The following XYLB variants were observed in gnomAD, a reference collection of about 807,000 sequenced individuals.
The protein encoded by XYLB is xylulose kinase.
In XYLB, 62 loss-of-function variants were observed where a neutral mutation model predicts 78.7. The ratio of observed to expected loss-of-function variants is 0.79; its 90% CI spans 0.64 to 0.97. The LOEUF (loss-of-function observed/expected upper bound fraction) is 0.97, where lower values mean the gene tolerates loss of function less well. Among genes scored for constraint, XYLB ranks in the 50% least tolerant of loss-of-function variants. XYLB has a pLI of 0.00. For synonymous variants in XYLB, 245 were observed against 247.4 expected (o/e 0.99, Z 0.09); for missense variants, 687 against 676.8 (o/e 1.02, Z -0.17).
chr3:38,452,149 T>C, the XYLB span: 22 of 152,334 alleles, frequency 1.4e-4, no homozygotes, highest in African/African-American at 4.8e-4. Flanking sequence ...TATACACAGC[T>C]AGGGTGTCCC....
the XYLB span, among the ~76,000 whole-genome samples, chr3:38,441,757 C>A: frequency 6.6e-6 from 1 of 152,220 alleles, no homozygotes; most frequent in Non-Finnish European, 1.5e-5. Context: ...GCCATTGCCG[C>A]AACTACCCAT....
At chr3:38,418,512 ATT>A (rs1708875623), downstream of XYLB, among the ~76,000 whole-genome samples, 1 of 152,216 alleles carries the variant, frequency 6.6e-6, no homozygotes, top group African/African-American at 2.4e-5. Flanking sequence ...GTATAAGGTT[ATT>A]GTGAAATTAT....
chr3:38,371,496 G>C (rs888418782), intron 9 of XYLB, among the ~76,000 whole-genome samples: 5 of 152,042 alleles, frequency 3.3e-5, no homozygotes, highest in Non-Finnish European at 5.9e-5. Context: ...GGATGGTCTC[G>C]ATCTCCTGAC....
In XYLB at chr3:38,413,125, C is replaced by G; in HGVS notation, c.*112C>G. 9.1e-7 allele frequency: 1 copy of G among 1,095,942 alleles called. No individual in the cohort carries two copies. The highest frequency in any genetic ancestry group is 2.7e-5 in the East Asian group (1 of 36,374). 67.9% of individuals were successfully genotyped at this position (1,095,942 alleles called of 1,614,324 possible). A position where few individuals can be genotyped will look rare whatever the true frequency, so the allele number is the denominator to read the frequency against. On this transcript the variant is annotated 3_prime_UTR_variant, in exon 19 of 19. Transcript: ENST00000207870. ...TTCTGAACAGCTCTTCCTGCCCCTA[C>G]TGACTCCTTGGAGTGTCCAGGACCA... is the stretch of plus-strand genomic sequence containing the variant.
chr3:38,438,297 TTAAC>T, the XYLB span, among the ~76,000 whole-genome samples: 1 of 151,866 alleles, frequency 6.6e-6, no homozygotes, highest in Non-Finnish European at 1.5e-5. Flanking sequence ...AGGAACACAT[TTAAC>T]CAAGGAAGTG....
At chr3:38,408,316 A>C (rs2125672205) in intron 18 of XYLB, among the ~76,000 whole-genome samples, 1 of 152,004 alleles carries the variant, frequency 6.6e-6, no homozygotes, top group Admixed American at 6.6e-5. Context: ...GGCAGAAATA[A>C]AGATGTTCTT....
chr3:38,402,283 C>A (rs1708152119), intron 18 of XYLB, among the ~76,000 whole-genome samples: 1 of 152,152 alleles, frequency 6.6e-6, no homozygotes, highest in Non-Finnish European at 1.5e-5. Context: ...ACATTCTCTC[C>A]AGTGTCTCTG....
the XYLB span, among the ~76,000 whole-genome samples, chr3:38,442,979 T>C: frequency 6.6e-6 from 1 of 152,158 alleles, no homozygotes; most frequent in Non-Finnish European, 1.5e-5. Context: ...TTCACGTAGA[T>C]AATAGCTCCA....
chr3:38,430,368 T>C, the XYLB span, among the ~76,000 whole-genome samples: 1 of 152,380 alleles, frequency 6.6e-6, no homozygotes, highest in East Asian at 1.9e-4. Flanking sequence ...GAGAAGTGTC[T>C]GTTCATATCC....
At position 38,403,934 on chromosome 3, in the gene XYLB, G is replaced by GTC. The variant is rs150818128; in HGVS notation, c.1533+2951_1533+2952dup. 4.6e-3 allele frequency among the ~76,000 whole-genome samples: 707 copies of GTC among 152,204 alleles called. 9 individuals carry two copies. Among genetic ancestry groups the GTC allele is most frequent in the African/African-American group, 0.016 (658 of 41,540 alleles). ...CAACAGCAGGTTGCAAGCAGTGACA[G>GTC]TCTATATGATTGTCAGCGTATGTGA... On this transcript the variant is annotated intron_variant, in intron 18 of 18. Transcript: ENST00000207870.
intron 18 of XYLB, among the ~76,000 whole-genome samples, chr3:38,405,562 A>G (rs2125665812): frequency 6.6e-6 from 1 of 152,324 alleles, no homozygotes; most frequent in Admixed American, 6.5e-5. Flanking sequence ...CACCGTGCGC[A>G]AGCCGAAGCA....
At chr3:38,370,261 C>CACACACACACACACAT in intron 9 of XYLB, 87 bp downstream of exon 9, 1 of 887,284 alleles carries the variant, frequency 1.1e-6, no homozygotes, top group Middle Eastern at 2.7e-4. Flanking sequence ...CACACACACA[C>CACACACACACACACAT]ACACACTCTG....
chr3:38,351,460 A>G (rs1047991331), intron 2 of XYLB, among the ~76,000 whole-genome samples: 3 of 152,170 alleles, frequency 2.0e-5, no homozygotes, highest in African/African-American at 7.2e-5. Flanking sequence ...CCAGATGCCT[A>G]TAGATTTAGT....
intron 15 of XYLB, among the ~76,000 whole-genome samples, chr3:38,389,164 T>C (rs1230443039): frequency 6.8e-6 from 1 of 146,842 alleles, no homozygotes; most frequent in East Asian, 2.0e-4. Flanking sequence ...GCATGCTGCC[T>C]TCAAGCATCT....
chr3:38,349,089 G>A (rs889020024), intron 2 of XYLB, among the ~76,000 whole-genome samples: 3 of 152,234 alleles, frequency 2.0e-5, no homozygotes, highest in African/African-American at 7.2e-5. Flanking sequence ...TAGGGAAGTG[G>A]TGCTTAAGCT....
chr3:38,437,895 C>T, the XYLB span, among the ~76,000 whole-genome samples: 1 of 152,138 alleles, frequency 6.6e-6, no homozygotes, highest in African/African-American at 2.4e-5. Context: ...CATGGTGAAA[C>T]CCCATCTCTA....
chr3:38,441,332 C>T, the XYLB span, among the ~76,000 whole-genome samples: 1 of 152,212 alleles, frequency 6.6e-6, no homozygotes, highest in Admixed American at 6.5e-5. Context: ...GATCGCTGGT[C>T]CCTGGGGGAA....
intron 2 of XYLB, among the ~76,000 whole-genome samples, chr3:38,349,433 A>G (rs1386843705): frequency 6.6e-6 from 1 of 152,168 alleles, no homozygotes; most frequent in African/African-American, 2.4e-5. Flanking sequence ...GCATTGGGAG[A>G]ACAGATTCGG....
downstream of XYLB, among the ~76,000 whole-genome samples, chr3:38,423,199 A>C (rs1709033221): frequency 6.6e-6 from 1 of 151,970 alleles, no homozygotes; most frequent in Non-Finnish European, 1.5e-5. Context: ...CAGCCTCCCG[A>C]GTAGCTGGGA....
Sources: gnomAD v4.1 joint callset for allele counts (sites outside exome capture counted in the v4.1 genomes callset) on GRCh38, gnomAD v4.1.1 for gene constraint, MANE v1.5 for transcripts, NCBI Gene and HGNC (gene_info 2026-07-23, HGNC 2026-07-21) for gene names.